Variants in NRXN1 observed in about 807,000 individuals in gnomAD.
The protein encoded by NRXN1 is neurexin-1.
Under a neutral mutation model 150.9 loss-of-function variants are expected in NRXN1, and 39 were observed. That is an observed-to-expected ratio of 0.26 (90% CI 0.20 to 0.34). NRXN1 has a LOEUF of 0.34. NRXN1 is among the 10% of genes least tolerant of loss of function. The probability of loss-of-function intolerance (pLI) is 1.00; values close to 1 mark genes in which losing one functional copy is unlikely to be tolerated. For synonymous variants in NRXN1, 924 were observed against 757.0 expected, an observed-to-expected ratio of 1.22 and a Z score of -3.62; for missense variants, 1,815 against 1,949.9, an observed-to-expected ratio of 0.93 and a Z score of 1.30.
At chr2:50,918,922 T>A (rs1685597157) in intron 5 of NRXN1, 1 of 171,078 alleles carries the variant, frequency 5.8e-6, no homozygotes, top group Admixed American at 6.3e-5. Context: ...TGGCTTTGAA[T>A]AACAGATCTT....
chr2:50,351,196 C>T (rs1025234518), intron 17 of NRXN1, among the ~76,000 whole-genome samples: 1 of 152,140 alleles, frequency 6.6e-6, no homozygotes, highest in African/African-American at 2.4e-5. Context: ...GATTGAAGAA[C>T]TGGTTGGAGG....
At chr2:50,257,957 A>G (rs2067874248) in intron 17 of NRXN1, among the ~76,000 whole-genome samples, 1 of 151,998 alleles carries the variant, frequency 6.6e-6, no homozygotes, top group Non-Finnish European at 1.5e-5. Context: ...CTATTTAAGT[A>G]TGCAACAGCA....
intron 21 of NRXN1, among the ~76,000 whole-genome samples, chr2:49,965,822 T>G (rs1307142069): frequency 4.6e-5 from 7 of 152,230 alleles, no homozygotes; most frequent in African/African-American, 1.7e-4. Flanking sequence ...CACACTGTAC[T>G]TTATTTCTTA....
At chr2:50,335,082 A>G (rs1335688304) in intron 17 of NRXN1, among the ~76,000 whole-genome samples, 1 of 152,224 alleles carries the variant, frequency 6.6e-6, no homozygotes, top group Non-Finnish European at 1.5e-5. Flanking sequence ...GCTTCAAACT[A>G]GCATGAAATT....
At chr2:50,382,211 C>T (rs2081022086) in intron 17 of NRXN1, among the ~76,000 whole-genome samples, 1 of 152,182 alleles carries the variant, frequency 6.6e-6, no homozygotes, top group Non-Finnish European at 1.5e-5. Flanking sequence ...GTCTACTATA[C>T]AGTAGGCACC....
At chr2:50,508,034 G>T (rs143635805) in intron 12 of NRXN1, among the ~76,000 whole-genome samples, 1 of 152,058 alleles carries the variant, frequency 6.6e-6, no homozygotes, top group African/African-American at 2.4e-5. Flanking sequence ...GTAAGAGACA[G>T]AGAACCAAGT....
At chr2:51,023,961 G>A (rs1670026141) in intron 2 of NRXN1, among the ~76,000 whole-genome samples, 1 of 152,138 alleles carries the variant, frequency 6.6e-6, no homozygotes, top group African/African-American at 2.4e-5. Flanking sequence ...GCAAAAAAAA[G>A]TGAAAACAGT....
intron 5 of NRXN1, among the ~76,000 whole-genome samples, chr2:50,695,218 T>C (rs1692648969): frequency 6.6e-6 from 1 of 152,128 alleles, no homozygotes; most frequent in Non-Finnish European, 1.5e-5. Flanking sequence ...CATCTTATCT[T>C]TGGTATTTGT....
In NRXN1 at chr2:50,347,005, G is replaced by T; in HGVS notation, c.3365-110035C>A. ...CGGGAGGCAAAGTTTGGGGCGCGGG[G>T]AGAGGAGAGGGCGCAGGGGAGCGGG... On this transcript the variant is annotated intron_variant, in intron 17 of 22. Transcript: ENST00000401669. This position sits in a 1 kb window ranked among gnomAD's most constrained non-coding sequence, Gnocchi z 4.9. 7.3e-7 allele frequency: 1 copy of T among 1,371,734 alleles called. No individual in the cohort carries two copies. Among genetic ancestry groups the T allele is most frequent in the Non-Finnish European group, 9.4e-7 (1 of 1,062,602 alleles). 85.0% of individuals were successfully genotyped at this position (1,371,734 alleles called of 1,614,324 possible).
At position 50,215,432 on chromosome 2, in the gene NRXN1, G is replaced by A. The variant is rs567274458; in HGVS notation, c.3546+21357C>T. 3.1e-4 allele frequency among the ~76,000 whole-genome samples: 47 copies of A among 152,058 alleles called. No individual in the cohort carries two copies. The South Asian group carries it at 9.3e-3, about 30-fold the overall frequency. ...CCTGCTACCAAGTATAAATATTACA[G>A]CTTCCTGTGTCTAACATTGTCTCAA... is the stretch of plus-strand genomic sequence containing the variant. On this transcript the variant is annotated intron_variant, in intron 18 of 22. Transcript: ENST00000401669.
intron 5 of NRXN1, among the ~76,000 whole-genome samples, chr2:50,873,554 T>C (rs989313130): frequency 1.3e-5 from 2 of 151,872 alleles, no homozygotes; most frequent in African/African-American, 2.4e-5. Flanking sequence ...AGGTTCTGAG[T>C]TATTTTTCAT....
intron 5 of NRXN1, among the ~76,000 whole-genome samples, chr2:50,732,818 T>C (rs1164714041): frequency 6.6e-6 from 1 of 152,126 alleles, no homozygotes; most frequent in African/African-American, 2.4e-5. Flanking sequence ...TTGCTTAAGA[T>C]CCATGATATC....
At chr2:50,830,058 G>T (rs1224203404) in intron 5 of NRXN1, among the ~76,000 whole-genome samples, 3 of 136,254 alleles carry the variant, frequency 2.2e-5, no homozygotes, top group Non-Finnish European at 3.0e-5. Context: ...GTCTCTGGCT[G>T]TGGCAAATAG....
intron 18 of NRXN1, among the ~76,000 whole-genome samples, chr2:50,138,204 A>G (rs992077160): frequency 2.0e-5 from 3 of 152,216 alleles, no homozygotes; most frequent in African/African-American, 7.2e-5. Flanking sequence ...CTCATACTTA[A>G]GTTAATAAAT....
At chr2:50,295,315 T>A (rs900907235) in intron 17 of NRXN1, among the ~76,000 whole-genome samples, 1 of 152,200 alleles carries the variant, frequency 6.6e-6, no homozygotes, top group African/African-American at 2.4e-5. Context: ...GATAGGTCAA[T>A]GAAAATCTAT....
chr2:50,585,589 G>T (rs992249802), intron 8 of NRXN1, among the ~76,000 whole-genome samples: 23 of 152,076 alleles, frequency 1.5e-4, no homozygotes, highest in Non-Finnish European at 2.2e-4. Context: ...TTTAAAATAT[G>T]AATATAAAGT....
At chr2:50,101,777 A>G (rs566183443) in intron 18 of NRXN1, among the ~76,000 whole-genome samples, 14 of 152,068 alleles carry the variant, frequency 9.2e-5, no homozygotes, top group Admixed American at 3.3e-4. Context: ...TTTAAATTCT[A>G]TTTGTGAATC....
At position 50,719,170 on chromosome 2, in the gene NRXN1, C is replaced by A. The variant is rs953279524; in HGVS notation, c.833-95555G>T. Reference sequence around the variant, plus strand: ...TCCTTCAACTATCACACATGTTTGACTATCATATTTGAGTTGTCTTCATCC... The same window carrying A: ...TCCTTCAACTATCACACATGTTTGAATATCATATTTGAGTTGTCTTCATCC... On this transcript the variant is annotated intron_variant, in intron 5 of 22. Coordinates refer to ENST00000401669, the MANE Select transcript of NRXN1 (RefSeq NM_001330078.2). Among the ~76,000 whole-genome samples the A allele has an allele frequency of 4.0e-5, 6 of 151,746 alleles. No homozygotes were observed. In the South Asian group the frequency reaches 6.2e-4, roughly 16 times the overall value.
intron 12 of NRXN1, among the ~76,000 whole-genome samples, chr2:50,520,962 G>T (rs910626096): frequency 4.6e-5 from 7 of 151,936 alleles, no homozygotes; most frequent in Admixed American, 6.6e-5. Flanking sequence ...CAGTATGTTT[G>T]TTCTATAATA....
Sources: gnomAD v4.1 joint callset for allele counts (sites outside exome capture counted in the v4.1 genomes callset) on GRCh38, gnomAD v4.1.1 for gene constraint, Gnocchi (gnomAD v3.1) non-coding constraint, MANE v1.5 for transcripts, NCBI Gene and HGNC (gene_info 2026-07-23, HGNC 2026-07-21) for gene names.